The following EFNA5 variants were observed in gnomAD, a reference collection of about 807,000 sequenced individuals.
The protein encoded by EFNA5 is ephrin A5.
Under a neutral mutation model 22.9 loss-of-function variants are expected in EFNA5, and 5 were observed. The ratio of observed to expected loss-of-function variants is 0.22; its 90% confidence interval spans 0.11 to 0.46. EFNA5 has a LOEUF of 0.46. Among genes scored for constraint, EFNA5 ranks in the 20% least tolerant of loss-of-function variants. EFNA5 has a pLI of 0.99. For synonymous variants in EFNA5, 113 were observed against 112.2 expected (o/e 1.01, Z -0.04); for missense variants, 237 against 293.3 (o/e 0.81, Z 1.40).
chr5:107,427,013 T>A, intron 2 of EFNA5: 1 of 591,176 alleles, frequency 1.7e-6, no homozygotes, highest in Non-Finnish European at 3.0e-6. Flanking sequence ...ACACGTAATT[T>A]CATAGGGGGA....
intron 2 of EFNA5, among the ~76,000 whole-genome samples, chr5:107,417,675 G>A (rs1187355487): frequency 6.6e-6 from 1 of 152,200 alleles, no homozygotes; most frequent in African/African-American, 2.4e-5. Context: ...CAAAAGGGTA[G>A]GGAGCAAGGA....
intron 2 of EFNA5, among the ~76,000 whole-genome samples, chr5:107,419,361 T>C (rs1748594481): frequency 6.6e-6 from 1 of 152,150 alleles, no homozygotes; most frequent in Non-Finnish European, 1.5e-5. Context: ...AAAGGTGCAT[T>C]ATTGCAGCTT....
chr5:107,612,347 T>C (rs901631081), intron 1 of EFNA5, among the ~76,000 whole-genome samples: 3 of 152,138 alleles, frequency 2.0e-5, no homozygotes, highest in African/African-American at 4.8e-5. Context: ...TTGAGGAATG[T>C]CAGGTAAGAC....
chr5:107,420,299 A>G (rs1012261938), intron 2 of EFNA5, among the ~76,000 whole-genome samples: 2 of 152,124 alleles, frequency 1.3e-5, no homozygotes, highest in African/African-American at 4.8e-5. Context: ...AACTTTTTGG[A>G]CTTGGATTAC....
intron 1 of EFNA5, among the ~76,000 whole-genome samples, chr5:107,547,286 G>A (rs921995250): frequency 6.6e-6 from 1 of 152,158 alleles, no homozygotes; most frequent in Admixed American, 6.5e-5. Flanking sequence ...ATAGATGCCA[G>A]TACGGGAAAT....
At chr5:107,662,032 ACT>A (rs905541233) in intron 1 of EFNA5, among the ~76,000 whole-genome samples, 140 of 152,120 alleles carry the variant, frequency 9.2e-4, no homozygotes, top group African/African-American at 3.1e-3. Context: ...TAAAATGGAA[ACT>A]CTGACAGCTT....
intron 1 of EFNA5, among the ~76,000 whole-genome samples, chr5:107,666,243 G>C (rs1309201349): frequency 6.6e-6 from 1 of 151,944 alleles, no homozygotes; most frequent in East Asian, 1.9e-4. Flanking sequence ...ATGTCAAAAT[G>C]ATGATGGCTC....
At chr5:107,421,533 C>G (rs907866786) in intron 2 of EFNA5, among the ~76,000 whole-genome samples, 1 of 152,014 alleles carries the variant, frequency 6.6e-6, no homozygotes, top group Admixed American at 6.6e-5. Flanking sequence ...AAAAGGTCAA[C>G]GCTTTGGGAA....
chr5:107,532,719 T>A (rs191353028), intron 1 of EFNA5, among the ~76,000 whole-genome samples: 2 of 152,246 alleles, frequency 1.3e-5, no homozygotes, highest in Admixed American at 1.3e-4. Context: ...ACCTGCCATA[T>A]GGCTGTCTGA....
At chr5:107,404,289 C>A (rs1238244211) in intron 2 of EFNA5, among the ~76,000 whole-genome samples, 1 of 152,136 alleles carries the variant, frequency 6.6e-6, no homozygotes, top group Non-Finnish European at 1.5e-5. Flanking sequence ...GAATTAATAA[C>A]AAGACATATA....
intron 1 of EFNA5, among the ~76,000 whole-genome samples, chr5:107,440,156 A>T (rs1191312812): frequency 6.6e-6 from 1 of 152,198 alleles, no homozygotes; most frequent in African/African-American, 2.4e-5. Flanking sequence ...TGCAAGAAAA[A>T]TGCAATCATA....
chr5:107,517,921 A>G (rs998478638), intron 1 of EFNA5, among the ~76,000 whole-genome samples: 2 of 152,172 alleles, frequency 1.3e-5, no homozygotes, highest in African/African-American at 4.8e-5. Context: ...GTTGATTGGT[A>G]TATCTTTTAA....
intron 1 of EFNA5, among the ~76,000 whole-genome samples, chr5:107,616,498 G>A (rs1749916470): frequency 6.6e-6 from 1 of 152,114 alleles, no homozygotes; most frequent in Admixed American, 6.5e-5. Context: ...GGGTAACTGA[G>A]AGCTGATGCA....
At chr5:107,498,884 C>G (rs987870247) in intron 1 of EFNA5, among the ~76,000 whole-genome samples, 3 of 152,106 alleles carry the variant, frequency 2.0e-5, no homozygotes, top group African/African-American at 7.2e-5. Context: ...GGTGATTACC[C>G]TGTAAATTAC....
chr5:107,402,347 A>C (rs1370798116), intron 2 of EFNA5, among the ~76,000 whole-genome samples: 1 of 152,248 alleles, frequency 6.6e-6, no homozygotes, highest in African/African-American at 2.4e-5. Context: ...TTGAACAAAA[A>C]ATATGACTAT....
chr5:107,524,964 G>T (rs1747664974), intron 1 of EFNA5, among the ~76,000 whole-genome samples: 3 of 152,118 alleles, frequency 2.0e-5, no homozygotes, highest in Admixed American at 1.3e-4. Flanking sequence ...TGCAGATTAG[G>T]CATATATGTT....
intron 1 of EFNA5, among the ~76,000 whole-genome samples, chr5:107,494,352 C>T (rs1285644584): frequency 1.3e-5 from 2 of 152,220 alleles, no homozygotes; most frequent in African/African-American, 4.8e-5. Flanking sequence ...AGCCGGCCGG[C>T]CCTGCCGCCC....
At chr5:107,574,454 T>G (rs527587885) in intron 1 of EFNA5, among the ~76,000 whole-genome samples, 1 of 152,350 alleles carries the variant, frequency 6.6e-6, no homozygotes, top group East Asian at 1.9e-4. Flanking sequence ...ATTTGACAGT[T>G]TACATAAGGG....
chr5:107,522,005 T>C (rs1231430292), intron 1 of EFNA5, among the ~76,000 whole-genome samples: 3 of 152,118 alleles, frequency 2.0e-5, no homozygotes, highest in African/African-American at 7.2e-5. Flanking sequence ...TATGCTTTCT[T>C]TTTCTGTTAC....
Sources: gnomAD v4.1 joint callset for allele counts (sites outside exome capture counted in the v4.1 genomes callset) on GRCh38, gnomAD v4.1.1 for gene constraint, MANE v1.5 for transcripts, NCBI Gene and HGNC (gene_info 2026-07-23, HGNC 2026-07-21) for gene names.